The following SH2D2A variants were observed in gnomAD, a reference collection of about 807,000 sequenced individuals.
SH2D2A encodes the protein SH2 domain-containing protein 2A.
In SH2D2A, 33 loss-of-function variants were observed where a neutral mutation model predicts 43.6. The ratio of observed to expected loss-of-function variants is 0.76; its 90% CI spans 0.57 to 1.01. The LOEUF (loss-of-function observed/expected upper bound fraction) is 1.01, where lower values mean the gene tolerates loss of function less well. Ranked by LOEUF, SH2D2A falls within the 50% of genes least tolerant of loss-of-function variation. SH2D2A has a pLI of 0.00. For missense variants in SH2D2A, 491 were observed against 503.1 expected, an observed-to-expected ratio of 0.98 and a Z score of 0.23; for synonymous variants, 212 against 206.1, an observed-to-expected ratio of 1.03 and a Z score of -0.25.
chr1:156,816,201 C>T, intron 1 of SH2D2A, 107 bp from the exon 2 acceptor site: 1 of 1,463,220 alleles, frequency 6.8e-7, no homozygotes, highest in Non-Finnish European at 9.0e-7. Flanking sequence ...CTGGGACAGT[C>T]TTAACGACAG....
At position 156,816,687 on chromosome 1, in the gene SH2D2A, T is replaced by G; in HGVS notation, c.22A>C (p.Ile8Leu). 1 of 1,601,788 alleles carries G rather than the reference T, an allele frequency of 6.2e-7. No individual in the cohort carries two copies. The highest frequency in any genetic ancestry group is 8.5e-7 in the Non-Finnish European group (1 of 1,173,632). MEFPLAQ[I>L]CPQGSHEAPI... is the part of the protein sequence containing the mutation. ...ACTTCACACTTACCTTGGGGACATA[T>G]CTGGGCCAGGGGGAACTCCATGAGG... The change falls in exon 1 of 9, where the codon ATA becomes CTA. Residue 8 changes from isoleucine (I) to leucine (L), a missense_variant. By Grantham distance (5) the Ile-to-Leu change is conservative (BLOSUM62 2). Coordinates refer to ENST00000368199, the MANE Select transcript of SH2D2A (RefSeq NM_003975.4).
intron 5 of SH2D2A, among the ~76,000 whole-genome samples, chr1:156,811,014 G>C (rs1653373710): frequency 6.6e-6 from 1 of 152,188 alleles, no homozygotes; most frequent in Non-Finnish European, 1.5e-5. Context: ...CCAAGTGCAT[G>C]TCTCCATCGG....
At position 156,807,338 on chromosome 1, in the gene SH2D2A, C is replaced by T. The variant is rs1159340690; in HGVS notation, c.1010G>A (p.Gly337Asp). ...GTTCTCAGAATGCAGCTGGGAGCCA[C>T]CTGTATTCTGCAGAGAGAAGGACAG... is the stretch of plus-strand genomic sequence containing the variant. ...SRPVPGGQNT[G>D]GSQLHSENSV... The change falls in exon 8 of 9, where the codon GGT (glycine) becomes GAT (aspartate). Residue 337 changes from glycine (G) to aspartate (D), a missense_variant. By Grantham distance (94) the Gly-to-Asp change is moderately conservative (BLOSUM62 -1). Transcript: ENST00000368199. The surrounding 1 kb of genome is among the most constrained non-coding windows in gnomAD (Gnocchi z 5.1). 2 of 1,555,092 alleles carry T rather than the reference C, an allele frequency of 1.3e-6. No individual in the cohort carries two copies. The highest frequency in any genetic ancestry group is 1.7e-6 in the Non-Finnish European group (2 of 1,156,458).
chr1:156,808,987 A>C (rs74118765), intron 7 of SH2D2A, among the ~76,000 whole-genome samples: 318 of 152,182 alleles, frequency 2.1e-3, no homozygotes, highest in African/African-American at 6.6e-3. Flanking sequence ...GGGCTTGACA[A>C]AGATGAGGTC....
intron 8 of SH2D2A, among the ~76,000 whole-genome samples, chr1:156,806,807 A>G (rs1652997890): frequency 1.3e-5 from 2 of 152,170 alleles, no homozygotes; most frequent in Non-Finnish European, 2.9e-5. Context: ...CTCTCAGGCT[A>G]TGTTTTCTTC....
Position 156,809,918 on chromosome 1 carries a change from G to A in SH2D2A, c.568-111C>T. 1.6e-5 allele frequency: 20 copies of A among 1,283,858 alleles called. No homozygotes were observed. The highest frequency in any genetic ancestry group is 2.1e-5 in the Non-Finnish European group (19 of 915,062). The allele number at this position is 1,283,858 out of a possible 1,614,324, so 79.5% of individuals were successfully genotyped here. On this transcript the variant is annotated intron_variant, in intron 5 of 8. Transcript: ENST00000368199. This position sits in a 1 kb window ranked among gnomAD's most constrained non-coding sequence, Gnocchi z 4.8. ...GTGGAGGATGGGGGAAGGGGGAGGA[G>A]CACAGAAATTTGGCCTGGGCTGGGT...
chr1:156,814,797 T>C (rs1653733832), intron 3 of SH2D2A: 3 of 433,260 alleles, frequency 6.9e-6, no homozygotes, highest in Non-Finnish European at 1.2e-5. Context: ...TAATGGGGCC[T>C]AGAGAGGGGA....
At chr1:156,816,599 C>G in intron 1 of SH2D2A, 76 bp downstream of exon 1, 1 of 1,503,864 alleles carries the variant, frequency 6.6e-7, no homozygotes, top group Non-Finnish European at 9.1e-7. Flanking sequence ...AGTGGGAGCT[C>G]AAGCCCAGGA....
rs894014092 is a variant in SH2D2A at position 156,813,841 on chromosome 1, C to A, written c.567+7G>T. On this transcript the variant is annotated splice_region_variant and intron_variant, in intron 5 of 8. Coordinates refer to ENST00000368199, the MANE Select transcript of SH2D2A (RefSeq NM_003975.4). ...TGGGCTCTCTGGTCAGGGTCTGGGG[C>A]GCGTACCTGTCGGGCGAGGGGCTCG... 1.2e-5 allele frequency: 17 copies of A among 1,469,184 alleles called. No individual in the cohort carries two copies. Among genetic ancestry groups the A allele is most frequent in the South Asian group, 2.7e-5 (2 of 73,222 alleles). 91.0% of individuals were successfully genotyped at this position (1,469,184 alleles called of 1,614,324 possible). A position where few individuals can be genotyped will look rare whatever the true frequency, so the allele number is the denominator to read the frequency against.
chr1:156,812,067 C>T (rs1653458832), intron 5 of SH2D2A, among the ~76,000 whole-genome samples: 1 of 152,082 alleles, frequency 6.6e-6, no homozygotes. Flanking sequence ...CCTCCTAGAA[C>T]TTTTCTCAAC....
Position 156,809,546 on chromosome 1 carries a change from C to T in SH2D2A, c.715-56G>A. On this transcript the variant is annotated intron_variant, in intron 6 of 8. Coordinates refer to ENST00000368199, the MANE Select transcript of SH2D2A (RefSeq NM_003975.4). This position sits in a 1 kb window ranked among gnomAD's most constrained non-coding sequence, Gnocchi z 4.8. Reference sequence around the variant, plus strand: ...GGGGTGAGGGAGGCAGGGTTAAAGCCCCAGCCTAACTCCCAGCCTGAGCCT... The same window carrying T: ...GGGGTGAGGGAGGCAGGGTTAAAGCTCCAGCCTAACTCCCAGCCTGAGCCT... The T allele has an allele frequency of 1.3e-6, 2 of 1,556,956 alleles. No individual in the cohort carries two copies. The highest frequency in any genetic ancestry group is 3.7e-5 in the Admixed American group (2 of 54,520).
At chr1:156,814,428 G>A in intron 3 of SH2D2A, 134 bp from the exon 4 acceptor site, 1 of 1,451,088 alleles carries the variant, frequency 6.9e-7, no homozygotes, top group Non-Finnish European at 9.2e-7. Flanking sequence ...CTAGGGCGGA[G>A]ATGGGGAGAG....
In SH2D2A at chr1:156,807,057, T is replaced by C; in HGVS notation, c.*3+118A>G. 1.0e-6 allele frequency: 1 copy of C among 962,172 alleles called. No individual in the cohort carries two copies. The highest frequency in any genetic ancestry group is 2.0e-5 in the Admixed American group (1 of 50,836). The allele number at this position is 962,172 out of a possible 1,614,324, so 59.6% of individuals were successfully genotyped here. On this transcript the variant is annotated intron_variant, in intron 8 of 8. Coordinates refer to ENST00000368199, the MANE Select transcript of SH2D2A (RefSeq NM_003975.4). The surrounding 1 kb of genome is among the most constrained non-coding windows in gnomAD (Gnocchi z 5.1). Reference sequence around the variant, plus strand: ...TTGCAATAGATGATGGCTGAGCTCCTTTCCAGCTTTGAACACCTATGGTTT... The same window carrying C: ...TTGCAATAGATGATGGCTGAGCTCCCTTCCAGCTTTGAACACCTATGGTTT...
At chr1:156,812,447 C>T (rs1653485279) in intron 5 of SH2D2A, among the ~76,000 whole-genome samples, 1 of 152,250 alleles carries the variant, frequency 6.6e-6, no homozygotes, top group Non-Finnish European at 1.5e-5. Flanking sequence ...TCCTCAGACA[C>T]ACCAAGTCTC....
Position 156,813,831 on chromosome 1 carries a change from G to T in SH2D2A, c.567+17C>A. The T allele has an allele frequency of 6.9e-7, 1 of 1,443,464 alleles. No individual in the cohort carries two copies. 89.4% of individuals were successfully genotyped at this position (1,443,464 alleles called of 1,614,324 possible). A position where few individuals can be genotyped will look rare whatever the true frequency, so the allele number is the denominator to read the frequency against. On this transcript the variant is annotated intron_variant, in intron 5 of 8. Coordinates refer to ENST00000368199, the MANE Select transcript of SH2D2A (RefSeq NM_003975.4). ...CCCGAGACCCTGGGCTCTCTGGTCA[G>T]GGTCTGGGGCGCGTACCTGTCGGGC...
chr1:156,815,294 G>T, intron 2 of SH2D2A, 73 bp from the exon 3 acceptor site: 1 of 1,190,704 alleles, frequency 8.4e-7, no homozygotes, highest in Non-Finnish European at 1.1e-6. Flanking sequence ...TGATCCACCT[G>T]CCACCTTCTT....
rs1387362167 is a variant in SH2D2A, at chr1:156,809,197, A to T, written c.1002+6T>A. 6.2e-7 allele frequency: 1 copy of T among 1,600,608 alleles called. No individual in the cohort carries two copies. The highest frequency in any genetic ancestry group is 8.5e-7 in the Non-Finnish European group (1 of 1,172,526). ...TGCACCTACCTTTCCCTGCATACCCATTTACCTGGCCTCCTGGGACAGGCC... is the reference window on the plus strand; with the variant it reads ...TGCACCTACCTTTCCCTGCATACCCTTTTACCTGGCCTCCTGGGACAGGCC... On this transcript the variant is annotated splice_donor_region_variant and intron_variant, in intron 7 of 8. Coordinates refer to ENST00000368199, the MANE Select transcript of SH2D2A (RefSeq NM_003975.4). This position sits in a 1 kb window ranked among gnomAD's most constrained non-coding sequence, Gnocchi z 4.8.
At position 156,807,330 on chromosome 1, in the gene SH2D2A, G is replaced by T; in HGVS notation, c.1018C>A (p.Gln340Lys). 6.4e-7 allele frequency: 1 copy of T among 1,569,256 alleles called. No homozygotes were observed. Among genetic ancestry groups the T allele is most frequent in the East Asian group, 2.3e-5 (1 of 44,040 alleles). ...ATCACAGAGTTCTCAGAATGCAGCT[G>T]GGAGCCACCTGTATTCTGCAGAGAG... is the stretch of plus-strand genomic sequence containing the variant. The part of the protein sequence containing the change: ...VPGGQNTGGS[Q>K]LHSENSVIGQ... The change falls in exon 8 of 9, where the codon CAG becomes AAG. Residue 340 changes from glutamine (Q) to lysine (K), a missense_variant. Transcript: ENST00000368199. This position sits in a 1 kb window ranked among gnomAD's most constrained non-coding sequence, Gnocchi z 5.1.
Position 156,814,277 on chromosome 1 carries a change from AGCAGCCTCTCT to A in SH2D2A, c.315_325del (p.Glu106GlyfsTer83). 6.2e-7 allele frequency: 1 copy of A among 1,613,326 alleles called. No individual in the cohort carries two copies. The highest frequency in any genetic ancestry group is 8.5e-7 in the Non-Finnish European group (1 of 1,179,838). The stretch of plus-strand genomic sequence containing the variant: ...GTAGCACCCCTGAGGCTTGGGCTCC[AGCAGCCTCTCT>A]GCCTCCCTGTGGGTGACGGAGAGAG... On this transcript the variant is annotated frameshift_variant, in exon 4 of 9. Transcript: ENST00000368199. LOFTEE classifies it high-confidence loss of function.
Sources: gnomAD v4.1 joint callset for allele counts (sites outside exome capture counted in the v4.1 genomes callset) on GRCh38, gnomAD v4.1.1 for gene constraint, Gnocchi (gnomAD v3.1) non-coding constraint, MANE v1.5 for transcripts, NCBI Gene and HGNC (gene_info 2026-07-23, HGNC 2026-07-21) for gene names.